The following IMPG2 variants were observed in gnomAD, a reference collection of about 807,000 sequenced individuals.
IMPG2 encodes the protein interphotoreceptor matrix proteoglycan 2.
In IMPG2, 91 loss-of-function variants were observed where a neutral mutation model predicts 129.2. The ratio of observed to expected loss-of-function variants is 0.70; its 90% confidence interval spans 0.59 to 0.84. The LOEUF (loss-of-function observed/expected upper bound fraction) is 0.84, where lower values mean the gene tolerates loss of function less well. Ranked by LOEUF, IMPG2 falls within the 40% of genes least tolerant of loss-of-function variation. IMPG2 has a pLI of 0.00. For missense variants in IMPG2, 1,430 were observed against 1,461.7 expected, an observed-to-expected ratio of 0.98 and a Z score of 0.35; for synonymous variants, 510 against 517.7, an observed-to-expected ratio of 0.99 and a Z score of 0.20.
intron 14 of IMPG2, among the ~76,000 whole-genome samples, chr3:101,235,639 T>C (rs1214856803): frequency 1.3e-5 from 2 of 152,218 alleles, no homozygotes; most frequent in Non-Finnish European, 2.9e-5. Flanking sequence ...CAAAGTCTCT[T>C]TCCACTCCTT....
chr3:101,257,770 G>A lies in IMPG2; in HGVS notation c.912C>T (p.Gly304=), dbSNP rs780679713. The A allele has an allele frequency of 1.5e-5, 24 of 1,612,706 alleles. No homozygotes were observed. The highest frequency in any genetic ancestry group is 1.0e-4 in the Admixed American group (6 of 59,840). ...EFRSPKENDS[G]VDVYYAVTFN... is the part of the protein sequence containing the mutation. ...AGGTAACTGCATAGTAAACATCTAC[G>A]CCACTATGGATGGAAAGAGAGAACA... The change falls in exon 10 of 19, where the codon GGC becomes GGT. Residue 304 remains glycine, a synonymous_variant. Coordinates refer to ENST00000193391, the MANE Select transcript of IMPG2 (RefSeq NM_016247.4).
chr3:101,252,629 T>G (rs996186523), intron 11 of IMPG2, among the ~76,000 whole-genome samples: 2 of 152,176 alleles, frequency 1.3e-5, no homozygotes, highest in African/African-American at 4.8e-5. Flanking sequence ...AGTGAATGAA[T>G]AAATACACAC....
chr3:101,222,886 A>G lies in IMPG2; in HGVS notation c.*4083T>C, dbSNP rs558116745. 4 of 152,318 alleles carry G rather than the reference A, an allele frequency of 2.6e-5. No individual in the cohort carries two copies. The highest frequency in any genetic ancestry group is 3.9e-4 in the East Asian group (2 of 5,194). 9.4% of individuals were successfully genotyped at this position (152,318 alleles called of 1,614,324 possible). On this transcript the variant is annotated 3_prime_UTR_variant, in exon 19 of 19. Transcript: ENST00000193391. ...CTGATACCACAATTATTTTTTCTATATATAATCTTAATCTTTAAAGAAGTA... is the reference window on the plus strand; with the variant it reads ...CTGATACCACAATTATTTTTTCTATGTATAATCTTAATCTTTAAAGAAGTA...
intron 4 of IMPG2, among the ~76,000 whole-genome samples, chr3:101,282,661 C>A (rs931096859): frequency 6.6e-6 from 1 of 152,096 alleles, no homozygotes. Context: ...TTTACCTATA[C>A]CCAATTTCAT....
At chr3:101,229,156 G>T (rs116174022) in intron 17 of IMPG2, among the ~76,000 whole-genome samples, 4 of 144,740 alleles carry the variant, frequency 2.8e-5, no homozygotes, top group South Asian at 2.1e-4. Flanking sequence ...AAAAAAAAGC[G>T]CCATTGTGGG....
At chr3:101,304,016 T>C (rs916134944) in intron 3 of IMPG2, 130 bp downstream of exon 3, 1 of 903,312 alleles carries the variant, frequency 1.1e-6, no homozygotes. Context: ...TAGGGCAGCT[T>C]ACTCAGATAG....
At chr3:101,256,927 G>A (rs1706616802) in intron 10 of IMPG2, among the ~76,000 whole-genome samples, 1 of 151,330 alleles carries the variant, frequency 6.6e-6, no homozygotes, top group Non-Finnish European at 1.5e-5. Flanking sequence ...TTAAGTCCCA[G>A]GTTGACTGGG....
At chr3:101,265,953 C>T (rs1461497175) in intron 9 of IMPG2, among the ~76,000 whole-genome samples, 1 of 152,096 alleles carries the variant, frequency 6.6e-6, no homozygotes, top group Non-Finnish European at 1.5e-5. Context: ...TTTTAAAATG[C>T]TCAACATTTT....
At chr3:101,253,559 T>G in intron 11 of IMPG2, 137 bp downstream of exon 11, 1 of 707,514 alleles carries the variant, frequency 1.4e-6, no homozygotes, top group Non-Finnish European at 2.5e-6. Context: ...CAGCTATGAG[T>G]AATGGTCTAG....
intron 16 of IMPG2, 90 bp downstream of exon 16, chr3:101,230,867 T>A (rs1706277576): frequency 7.7e-6 from 9 of 1,161,960 alleles, no homozygotes; most frequent in African/African-American, 1.5e-5. Flanking sequence ...CCCAGCCAGC[T>A]CCTTGTCCAA....
chr3:101,290,583 G>C (rs1217650917), intron 4 of IMPG2, among the ~76,000 whole-genome samples: 1 of 152,046 alleles, frequency 6.6e-6, no homozygotes, highest in East Asian at 1.9e-4. Flanking sequence ...TTAAGTAAAT[G>C]CTCAATCCCA....
chr3:101,313,936 T>A (rs1381168126), intron 2 of IMPG2, among the ~76,000 whole-genome samples: 2 of 152,102 alleles, frequency 1.3e-5, no homozygotes, highest in Non-Finnish European at 1.5e-5. Flanking sequence ...TATTTCTATA[T>A]ACTAGCAAGG....
chr3:101,228,873 T>C lies in IMPG2; in HGVS notation c.3637A>G (p.Ile1213Val). The C allele has an allele frequency of 6.2e-7, 1 of 1,613,128 alleles. No homozygotes were observed. Among genetic ancestry groups the C allele is most frequent in the Non-Finnish European group, 8.5e-7 (1 of 1,179,152 alleles). The change falls in exon 18 of 19, where the codon ATT (isoleucine) becomes GTT (valine). Residue 1213 changes from isoleucine (I) to valine (V), a missense_variant. Physicochemically the swap from Ile to Val is conservative, Grantham distance 29. Transcript: ENST00000193391. ...TCCAAAACTCTCATTCTCTCTTGAA[T>C]TTCCTTAAACAAAAAAGAAACAATA... is the stretch of plus-strand genomic sequence containing the variant. ...YESSELSREE[I>V]QERMRVLELY...
At chr3:101,240,177 G>A (rs182097969) in intron 14 of IMPG2, among the ~76,000 whole-genome samples, 6 of 151,548 alleles carry the variant, frequency 4.0e-5, no homozygotes, top group East Asian at 1.9e-4. Flanking sequence ...GAGTGTAGTC[G>A]TGTGATCATA....
intron 11 of IMPG2, 71 bp from the exon 12 acceptor site, chr3:101,246,176 C>G: frequency 7.0e-7 from 1 of 1,421,102 alleles, no homozygotes; most frequent in Non-Finnish European, 9.7e-7. Flanking sequence ...TAAATACCAC[C>G]TATCTGTCTA....
At chr3:101,312,939 G>T (rs1363739724) in intron 2 of IMPG2, among the ~76,000 whole-genome samples, 1 of 151,958 alleles carries the variant, frequency 6.6e-6, no homozygotes, top group East Asian at 1.9e-4. Flanking sequence ...GAGGGGGAAG[G>T]GAGATAAAAG....
intron 14 of IMPG2, among the ~76,000 whole-genome samples, chr3:101,233,833 C>G (rs961356507): frequency 2.0e-5 from 3 of 151,904 alleles, no homozygotes; most frequent in Admixed American, 2.0e-4. Context: ...ATAGACTCAT[C>G]TGTATTAAAA....
At chr3:101,238,993 C>T (rs1201121075) in intron 14 of IMPG2, among the ~76,000 whole-genome samples, 1 of 152,124 alleles carries the variant, frequency 6.6e-6, no homozygotes, top group African/African-American at 2.4e-5. Flanking sequence ...TGCAAAGACA[C>T]ACATAGGCTC....
chr3:101,299,516 C>T (rs1326545798), intron 3 of IMPG2, among the ~76,000 whole-genome samples: 1 of 152,194 alleles, frequency 6.6e-6, no homozygotes, highest in Non-Finnish European at 1.5e-5. Context: ...GATTCTTTCT[C>T]ATCTTTCTAA....
Sources: allele counts gnomAD v4.1 joint callset (sites outside exome capture counted in the v4.1 genomes callset), GRCh38; gene constraint gnomAD v4.1.1; transcripts MANE v1.5; gene names NCBI Gene and HGNC (gene_info 2026-07-23, HGNC 2026-07-21).